The following HS1BP3 variants were observed in gnomAD, a reference collection of about 807,000 sequenced individuals.
The protein encoded by HS1BP3 is HCLS1-binding protein 3.
Under a neutral mutation model 33.5 loss-of-function variants are expected in HS1BP3, and 32 were observed. The observed-to-expected ratio is 0.95, with a 90% confidence interval of 0.72 to 1.28. HS1BP3 has a LOEUF of 1.28. Ranked by LOEUF, HS1BP3 falls within the 50% of genes most tolerant of loss-of-function variation. HS1BP3 has a pLI of 0.00. For synonymous variants in HS1BP3, 187 were observed against 209.2 expected (o/e 0.89, Z 0.92); for missense variants, 486 against 502.3 (o/e 0.97, Z 0.31).
In HS1BP3 at chr2:20,622,126, C is replaced by T. The variant is rs1446798247; in HGVS notation, c.920+1770G>A. On this transcript the variant is annotated intron_variant, in intron 6 of 6. Transcript: ENST00000304031. ...CCCGCTCAGTGTACACCCCACGCGG[C>T]CTCAGGGTGGCTGAGGCTAGTGACA... is the stretch of plus-strand genomic sequence containing the variant. 2.1e-5 allele frequency: 26 copies of T among 1,228,756 alleles called. No homozygotes were observed. In the Admixed American group the frequency reaches 6.7e-4, roughly 32 times the overall value. 76.1% of individuals were successfully genotyped at this position (1,228,756 alleles called of 1,614,324 possible).
At chr2:20,569,736 T>C (rs540689509) in intron 5 of HS1BP3, among the ~76,000 whole-genome samples, 20 of 152,348 alleles carry the variant, frequency 1.3e-4, no homozygotes, top group African/African-American at 4.8e-4. Flanking sequence ...GCCTGTGCCC[T>C]TGGAGTTGGG....
intron 3 of HS1BP3, among the ~76,000 whole-genome samples, chr2:20,594,513 GGCTAGGGCCCT>G (rs1162924778): frequency 1.3e-5 from 2 of 152,182 alleles, no homozygotes; most frequent in Non-Finnish European, 2.9e-5. Context: ...AGGGCAGTTA[GGCTAGGGCCCT>G]GCTCTGTGTT....
intron 3 of HS1BP3, among the ~76,000 whole-genome samples, chr2:20,597,937 G>A (rs1343822790): frequency 1.3e-5 from 2 of 152,144 alleles, no homozygotes; most frequent in East Asian, 3.9e-4. Context: ...AAGACTCCCT[G>A]CCTCAGTGCC....
intron 2 of HS1BP3, among the ~76,000 whole-genome samples, chr2:20,643,727 A>AC (rs1695429513): frequency 6.6e-6 from 1 of 151,930 alleles, no homozygotes; most frequent in South Asian, 2.1e-4. Flanking sequence ...GAGGAGTTTG[A>AC]GACCAGCCTG....
intron 3 of HS1BP3, among the ~76,000 whole-genome samples, chr2:20,596,058 C>A (rs1206097255): frequency 6.6e-6 from 1 of 152,128 alleles, no homozygotes. Flanking sequence ...TTTCATCAAA[C>A]CTAGGGCTCC....
intron 5 of HS1BP3, among the ~76,000 whole-genome samples, chr2:20,577,377 C>A (rs935129606): frequency 6.6e-6 from 1 of 152,108 alleles, no homozygotes; most frequent in Non-Finnish European, 1.5e-5. Context: ...GCTTCCCAAC[C>A]ATTGGCTGGG....
intron 3 of HS1BP3, among the ~76,000 whole-genome samples, 197 bp from the exon 4 acceptor site, chr2:20,638,849 G>A (rs1695252134): frequency 6.6e-6 from 1 of 152,200 alleles, no homozygotes; most frequent in South Asian, 2.1e-4. Flanking sequence ...CGTTTCGGGG[G>A]CAGCCAAGTG....
chr2:20,642,560 G>T (rs1695388868), intron 2 of HS1BP3, among the ~76,000 whole-genome samples: 1 of 152,242 alleles, frequency 6.6e-6, no homozygotes, highest in Non-Finnish European at 1.5e-5. Context: ...AGGCCACGGT[G>T]GGGGCCGGGC....
intron 2 of HS1BP3, among the ~76,000 whole-genome samples, chr2:20,610,528 C>T (rs1349740624): frequency 2.0e-5 from 3 of 152,170 alleles, no homozygotes; most frequent in Non-Finnish European, 4.4e-5. Flanking sequence ...TCCTCCATAT[C>T]TTTTCATGGC....
chr2:20,559,195 G>T (rs372962001), downstream of HS1BP3, among the ~76,000 whole-genome samples: 7 of 152,292 alleles, frequency 4.6e-5, no homozygotes, highest in East Asian at 1.9e-4. Flanking sequence ...CAAAGCCCCA[G>T]TTCCCCTCAG....
downstream of HS1BP3, among the ~76,000 whole-genome samples, chr2:20,559,725 TGG>T (rs1692942291): frequency 7.2e-6 from 1 of 139,388 alleles, no homozygotes; most frequent in African/African-American, 2.5e-5. Flanking sequence ...GATGGATGGA[TGG>T]ATGGATGGAT....
chr2:20,634,854 G>A (rs1420373700), intron 4 of HS1BP3: 1 of 152,252 alleles, frequency 6.6e-6, no homozygotes, highest in East Asian at 1.9e-4. Context: ...TCACCACGGA[G>A]GCCACAGCAC....
chr2:20,556,729 A>C (rs1692851217), downstream of HS1BP3, among the ~76,000 whole-genome samples: 2 of 152,180 alleles, frequency 1.3e-5, no homozygotes, highest in African/African-American at 2.4e-5. Context: ...TCTCAAACCC[A>C]TCAGTTGCTG....
chr2:20,567,902 G>A (rs1177816102), intron 5 of HS1BP3, among the ~76,000 whole-genome samples: 1 of 152,150 alleles, frequency 6.6e-6, no homozygotes, highest in Non-Finnish European at 1.5e-5. Flanking sequence ...CCCACAGCTG[G>A]CCCCCAGCAC....
chr2:20,569,243 A>C (rs1693208511), intron 5 of HS1BP3, among the ~76,000 whole-genome samples: 1 of 152,230 alleles, frequency 6.6e-6, no homozygotes, highest in Non-Finnish European at 1.5e-5. Flanking sequence ...TCCTTACAAG[A>C]AAACTTTTTG....
the HS1BP3 span, among the ~76,000 whole-genome samples, chr2:20,554,476 A>G: frequency 2.0e-5 from 3 of 152,076 alleles, no homozygotes; most frequent in Non-Finnish European, 4.4e-5. Context: ...TAATCCCAAC[A>G]CTTTGGGAGG....
intron 1 of HS1BP3, among the ~76,000 whole-genome samples, chr2:20,647,647 C>T (rs1558353724): frequency 1.3e-5 from 2 of 152,146 alleles, no homozygotes; most frequent in Admixed American, 1.3e-4. Context: ...ACTCCATCAC[C>T]CTCCCACTTC....
rs143864270 is a variant in HS1BP3, at chr2:20,579,532, G to T, written c.303-19017C>A. Reference sequence around the variant, plus strand: ...CCGGCCCTCAGAGAAACCAGACACAGAGAGCCATTGTTTGCCTTGGAAGCC... The same window carrying T: ...CCGGCCCTCAGAGAAACCAGACACATAGAGCCATTGTTTGCCTTGGAAGCC... On this transcript the variant is annotated intron_variant, in intron 5 of 5. Transcript: ENST00000446825. 3.9e-5 allele frequency among the ~76,000 whole-genome samples: 6 copies of T among 152,366 alleles called. No individual in the cohort carries two copies. The East Asian group carries it at 1.2e-3, about 29-fold the overall frequency.
At chr2:20,620,884 T>C (rs1694578142) in intron 6 of HS1BP3, among the ~76,000 whole-genome samples, 1 of 152,106 alleles carries the variant, frequency 6.6e-6, no homozygotes, top group Admixed American at 6.5e-5. Context: ...CCCAGCCCAG[T>C]CAGACAGGGG....
Sources: gnomAD v4.1 joint callset for allele counts (sites outside exome capture counted in the v4.1 genomes callset) on GRCh38, gnomAD v4.1.1 for gene constraint, MANE v1.5 for transcripts, NCBI Gene and HGNC (gene_info 2026-07-23, HGNC 2026-07-21) for gene names.